Variants in HDX observed in about 807,000 individuals in gnomAD.
The protein encoded by HDX is chromosome X open reading frame 43.
In HDX, 19 loss-of-function variants were observed where a neutral mutation model predicts 45.2. The ratio of observed to expected loss-of-function variants is 0.42; its 90% CI spans 0.29 to 0.62. HDX has a LOEUF of 0.62. Among genes scored for constraint, HDX ranks in the 20% least tolerant of loss-of-function variants. HDX has a pLI of 0.20. For synonymous variants in HDX, 188 were observed against 172.8 expected (o/e 1.09, Z -0.69); for missense variants, 532 against 493.9 (o/e 1.08, Z -0.73).
intron 9 of HDX, among the ~76,000 whole-genome samples, chrX:84,329,259 T>A (rs1163362136): frequency 1.8e-5 from 2 of 111,905 alleles, no homozygotes; most frequent in African/African-American, 6.5e-5. Flanking sequence ...CTGAACTAAT[T>A]TTTCAGGTTA....
chrX:84,485,140 A>C (rs1002398456), intron 2 of HDX, among the ~76,000 whole-genome samples: 2 of 111,901 alleles, frequency 1.8e-5, no homozygotes, highest in African/African-American at 6.5e-5. Context: ...AAAATTTTTT[A>C]AAAGTGTGTT....
At chrX:84,390,895 G>T (rs2038425137) in intron 5 of HDX, among the ~76,000 whole-genome samples, 1 of 111,708 alleles carries the variant, frequency 9.0e-6, no homozygotes, top group African/African-American at 3.3e-5. Context: ...CATAGAATGT[G>T]TAATGATCAA....
intron 2 of HDX, among the ~76,000 whole-genome samples, chrX:84,476,857 G>C (rs1012480511): frequency 8.1e-5 from 9 of 111,698 alleles, no homozygotes; most frequent in African/African-American, 2.6e-4. Flanking sequence ...AATGTTAAGA[G>C]ATCTGATGAG....
chrX:84,356,669 C>A (rs2037493379), intron 6 of HDX, among the ~76,000 whole-genome samples: 1 of 83,560 alleles, frequency 1.2e-5, no homozygotes, highest in South Asian at 6.8e-4. Context: ...GTCGCCCAGG[C>A]TGGAGTGCAG....
At chrX:84,341,162 C>T (rs1251361099) in intron 7 of HDX, among the ~76,000 whole-genome samples, 1 of 110,740 alleles carries the variant, frequency 9.0e-6, no homozygotes, top group Non-Finnish European at 1.9e-5. Flanking sequence ...TCCCTACTTC[C>T]CCACTCTCCT....
chrX:84,331,934 C>G (rs1040206923), intron 9 of HDX, among the ~76,000 whole-genome samples: 19 of 111,480 alleles, frequency 1.7e-4, no homozygotes, highest in African/African-American at 5.2e-4. Context: ...AATTGCCTAA[C>G]AATGCATTTC....
intron 5 of HDX, among the ~76,000 whole-genome samples, chrX:84,399,177 G>T (rs1447945858): frequency 9.1e-6 from 1 of 109,802 alleles, no homozygotes; most frequent in Non-Finnish European, 1.9e-5. Flanking sequence ...CAAGAGCAAA[G>T]AAATCCAAAA....
At chrX:84,356,824 A>G (rs1470631509) in intron 6 of HDX, among the ~76,000 whole-genome samples, 3 of 109,933 alleles carry the variant, frequency 2.7e-5, no homozygotes, top group African/African-American at 6.6e-5. Flanking sequence ...GGGTTTCACC[A>G]TGTTAGCTAG....
chrX:84,478,680 C>T (rs1312554700), intron 2 of HDX, among the ~76,000 whole-genome samples: 1 of 109,612 alleles, frequency 9.1e-6, no homozygotes, highest in Non-Finnish European at 1.9e-5. Flanking sequence ...ATGGTGAGAC[C>T]CCACCTCTAC....
At chrX:84,326,139 T>C (rs778646800) in intron 10 of HDX, 39 bp downstream of exon 10, 28 of 1,186,209 alleles carry the variant, frequency 2.4e-5, no homozygotes, top group Non-Finnish European at 3.2e-5. Context: ...ATTTTTTGAC[T>C]TGATACATTG....
intron 5 of HDX, among the ~76,000 whole-genome samples, chrX:84,384,843 G>T (rs2038270773): frequency 2.7e-5 from 3 of 110,868 alleles, no homozygotes; most frequent in South Asian, 7.6e-4. Context: ...TTATAAGTGT[G>T]TGGCTTTATT....
rs142109016 is a variant in HDX at position 84,396,046 on chromosome X, A to G, written c.1306-34434T>C. On this transcript the variant is annotated intron_variant, in intron 5 of 10. Coordinates refer to ENST00000373177, the MANE Select transcript of HDX (RefSeq NM_001177479.2). ...AATCATTATTACAAATTATTTTCCA[A>G]GATTTTGTACATTTATTTTTGATTT... Among the ~76,000 whole-genome samples the G allele has an allele frequency of 1.2e-3, 131 of 111,658 alleles. 1 individual carries two copies. In the East Asian group the frequency reaches 0.032, roughly 27 times the overall value.
intron 6 of HDX, among the ~76,000 whole-genome samples, chrX:84,350,435 A>T (rs1029166233): frequency 9.0e-6 from 1 of 111,508 alleles, no homozygotes; most frequent in African/African-American, 3.3e-5. Context: ...AAATCTCCAA[A>T]TATAATTTTG....
intron 5 of HDX, among the ~76,000 whole-genome samples, chrX:84,376,353 A>G (rs768910894): frequency 5.4e-5 from 6 of 111,859 alleles, no homozygotes; most frequent in Admixed American, 9.5e-5. Flanking sequence ...TGAGAAAAGC[A>G]GAGGAAAAAA....
intron 6 of HDX, among the ~76,000 whole-genome samples, chrX:84,354,703 G>A (rs1200908606): frequency 9.2e-6 from 1 of 108,828 alleles, no homozygotes; most frequent in African/African-American, 3.3e-5. Context: ...GTGTTGTAAA[G>A]TTTTTTCCAA....
chrX:84,356,949 G>A (rs940457700), intron 6 of HDX, among the ~76,000 whole-genome samples: 1 of 110,763 alleles, frequency 9.0e-6, no homozygotes, highest in African/African-American at 3.3e-5. Context: ...CTTTATTTTG[G>A]GAGTGTATGT....
chrX:84,381,428 A>G (rs1448767593), intron 5 of HDX, among the ~76,000 whole-genome samples: 1 of 111,002 alleles, frequency 9.0e-6, no homozygotes, highest in African/African-American at 3.3e-5. Flanking sequence ...GAGGAATTAC[A>G]TCATCTGCCT....
At chrX:84,431,205 C>G (rs144602202) in intron 5 of HDX, among the ~76,000 whole-genome samples, 1,609 of 110,159 alleles carry the variant, frequency 0.015, 27 homozygotes, top group African/African-American at 0.051. Context: ...GGCCACGTAG[C>G]ATTTGATGGT....
At chrX:84,417,820 G>A (rs938392804) in intron 5 of HDX, among the ~76,000 whole-genome samples, 2 of 111,694 alleles carry the variant, frequency 1.8e-5, no homozygotes, top group Non-Finnish European at 3.8e-5. Flanking sequence ...TGGATGCTTG[G>A]GGCAGCTGTG....
Sources: allele counts gnomAD v4.1 joint callset (sites outside exome capture counted in the v4.1 genomes callset), GRCh38; gene constraint gnomAD v4.1.1; transcripts MANE v1.5; gene names NCBI Gene and HGNC (gene_info 2026-07-23, HGNC 2026-07-21).